Variants in ADARB2 observed in about 807,000 individuals in gnomAD.
ADARB2 encodes adenosine deaminase RNA specific B2 (inactive).
In ADARB2, 25 loss-of-function variants were observed where a neutral mutation model predicts 62.2. The observed-to-expected ratio is 0.40, with a 90% CI of 0.29 to 0.56. The LOEUF is 0.56. Ranked by LOEUF, ADARB2 falls within the 20% of genes least tolerant of loss-of-function variation. ADARB2 has a pLI of 0.43. For missense variants in ADARB2, 1,071 were observed against 1,077.4 expected, an observed-to-expected ratio of 0.99 and a Z score of 0.08; for synonymous variants, 572 against 500.8, an observed-to-expected ratio of 1.14 and a Z score of -1.90.
rs12769690 is a variant in ADARB2 at position 1,627,107 on chromosome 10, G to T, written c.100+109944C>A. Among the ~76,000 whole-genome samples, 458 of 152,152 alleles carry T rather than the reference G, an allele frequency of 3.0e-3. 2 individuals are homozygous for T. Among genetic ancestry groups the T allele is most frequent in the Non-Finnish European group, 5.0e-3 (341 of 67,996 alleles). On this transcript the variant is annotated intron_variant, in intron 1 of 9. Coordinates refer to ENST00000381312, the MANE Select transcript of ADARB2 (RefSeq NM_018702.4). ...AGGCTCACACATCAGTCACCCACTC[G>T]AACTGGAGCCGGGCCCTCGGGTGAA...
chr10:1,683,664 C>A (rs983737346), intron 1 of ADARB2, among the ~76,000 whole-genome samples: 7 of 152,082 alleles, frequency 4.6e-5, no homozygotes, highest in Non-Finnish European at 8.8e-5. Flanking sequence ...CGGGTCATGG[C>A]AAATGTTTAG....
At chr10:1,319,093 A>T (rs2131826796) in intron 3 of ADARB2, among the ~76,000 whole-genome samples, 1 of 152,348 alleles carries the variant, frequency 6.6e-6, no homozygotes, top group Admixed American at 6.5e-5. Context: ...TGTGACAGTG[A>T]CGAAAACAGA....
intron 3 of ADARB2, among the ~76,000 whole-genome samples, chr10:1,320,276 C>T (rs1158316990): frequency 6.6e-6 from 1 of 152,222 alleles, no homozygotes; most frequent in Non-Finnish European, 1.5e-5. Context: ...ACATCATTGT[C>T]TTTAACATAG....
chr10:1,220,199 T>C (rs1293134972), intron 6 of ADARB2, among the ~76,000 whole-genome samples: 1 of 144,194 alleles, frequency 6.9e-6, no homozygotes, highest in Non-Finnish European at 1.5e-5. Context: ...ATGATGATGA[T>C]GGTAATGGTG....
chr10:1,213,480 C>T (rs961292617), intron 7 of ADARB2, among the ~76,000 whole-genome samples: 3 of 152,194 alleles, frequency 2.0e-5, no homozygotes, highest in Admixed American at 2.0e-4. Flanking sequence ...TCAAGCCTTG[C>T]CTGTGCCCCC....
intron 1 of ADARB2, among the ~76,000 whole-genome samples, chr10:1,566,022 T>C (rs1832856547): frequency 6.9e-6 from 1 of 144,276 alleles, no homozygotes; most frequent in Non-Finnish European, 1.5e-5. Context: ...TCTTAATACT[T>C]TTCTCATCGT....
At chr10:1,628,366 G>C (rs895455365) in intron 1 of ADARB2, among the ~76,000 whole-genome samples, 2 of 152,238 alleles carry the variant, frequency 1.3e-5, no homozygotes, top group Non-Finnish European at 2.9e-5. Flanking sequence ...TTCAGCGCTT[G>C]CTAGGCTGTT....
intron 1 of ADARB2, among the ~76,000 whole-genome samples, chr10:1,455,837 T>C (rs1177154346): frequency 6.6e-6 from 1 of 152,150 alleles, no homozygotes; most frequent in African/African-American, 2.4e-5. Context: ...CCCCCTTCTG[T>C]CTATTTCTCA....
chr10:1,516,875 G>A (rs538555570), intron 1 of ADARB2, among the ~76,000 whole-genome samples: 2 of 152,322 alleles, frequency 1.3e-5, no homozygotes, highest in East Asian at 3.9e-4. Flanking sequence ...AGTTGGCTGG[G>A]TAGTTTATTC....
At chr10:1,487,538 G>A (rs1250888031) in intron 1 of ADARB2, among the ~76,000 whole-genome samples, 2 of 152,142 alleles carry the variant, frequency 1.3e-5, no homozygotes, top group Non-Finnish European at 2.9e-5. Flanking sequence ...CGAAGCTATA[G>A]CCTCACACTT....
At chr10:1,290,283 G>A (rs560997406) in intron 3 of ADARB2, 17 of 152,298 alleles carry the variant, frequency 1.1e-4, no homozygotes, top group East Asian at 1.9e-4. Context: ...TCCAGCTCAC[G>A]GGCACCTCCA....
chr10:1,363,882 C>T lies in ADARB2; in HGVS notation c.223G>A (p.Val75Met). The change falls in exon 3 of 10, where the codon GTG (valine) becomes ATG (methionine). Residue 75 changes from valine (V) to methionine (M), a missense_variant. Coordinates refer to ENST00000381312, the MANE Select transcript of ADARB2 (RefSeq NM_018702.4). Reference sequence around the variant, plus strand: ...GGTGGCCGCGCGGCCAGGTTGCCCACGTTGCGGTTCTCCTTCACCTCCGCG... The same window carrying T: ...GGTGGCCGCGCGGCCAGGTTGCCCATGTTGCGGTTCTCCTTCACCTCCGCG... ...SSAEVKENRN[V>M]GNLAARPPPS... The T allele has an allele frequency of 1.3e-6, 2 of 1,491,810 alleles. No individual in the cohort carries two copies. The highest frequency in any genetic ancestry group is 2.5e-5 in the East Asian group (1 of 40,296). 92.4% of individuals were successfully genotyped at this position (1,491,810 alleles called of 1,614,324 possible).
chr10:1,280,028 G>A (rs1831356352), intron 3 of ADARB2, among the ~76,000 whole-genome samples: 3 of 152,292 alleles, frequency 2.0e-5, no homozygotes, highest in South Asian at 4.1e-4. Flanking sequence ...GTGAATTTGG[G>A]GGAGGTCAGG....
chr10:1,729,822 C>T (rs1446318136), intron 1 of ADARB2, among the ~76,000 whole-genome samples: 1 of 152,042 alleles, frequency 6.6e-6, no homozygotes, highest in Non-Finnish European at 1.5e-5. Context: ...AACTGAGCTC[C>T]CCATCCTATT....
rs572562296 is a variant in ADARB2, at chr10:1,444,942, T to C, written c.101-65782A>G. On this transcript the variant is annotated intron_variant, in intron 1 of 9. Transcript: ENST00000381312. Reference sequence around the variant, plus strand: ...CATTCTCCTTCCATCTATCAATCCATCCACCCACCCATCCATTCATCCACC... The same window carrying C: ...CATTCTCCTTCCATCTATCAATCCACCCACCCACCCATCCATTCATCCACC... 2.7e-3 allele frequency among the ~76,000 whole-genome samples: 389 copies of C among 145,148 alleles called. 2 individuals carry two copies. Among genetic ancestry groups the C allele is most frequent in the African/African-American group, 9.2e-3 (358 of 38,802 alleles).
At chr10:1,199,218 C>CCCG (rs1836950885) in intron 8 of ADARB2, among the ~76,000 whole-genome samples, 1 of 152,036 alleles carries the variant, frequency 6.6e-6, no homozygotes, top group Non-Finnish European at 1.5e-5. Flanking sequence ...AAACCCACCC[C>CCCG]CCCGCTTCCC....
At chr10:1,666,734 C>T (rs1834321608) in intron 1 of ADARB2, among the ~76,000 whole-genome samples, 1 of 152,222 alleles carries the variant, frequency 6.6e-6, no homozygotes, top group South Asian at 2.1e-4. Context: ...AACCCACACG[C>T]AGCTCATCCA....
At chr10:1,221,434 TAC>T (rs1200706868) in intron 6 of ADARB2, among the ~76,000 whole-genome samples, 1 of 151,922 alleles carries the variant, frequency 6.6e-6, no homozygotes, top group African/African-American at 2.4e-5. Context: ...ATTATTATTA[TAC>T]TTTAAGTTTT....
intron 1 of ADARB2, among the ~76,000 whole-genome samples, chr10:1,507,447 T>C (rs981420985): frequency 6.6e-6 from 1 of 152,240 alleles, no homozygotes; most frequent in African/African-American, 2.4e-5. Context: ...CCCCAGCTTC[T>C]GCTCACACTG....
Sources: gnomAD v4.1 joint callset for allele counts (sites outside exome capture counted in the v4.1 genomes callset) on GRCh38, gnomAD v4.1.1 for gene constraint, MANE v1.5 for transcripts, NCBI Gene and HGNC (gene_info 2026-07-23, HGNC 2026-07-21) for gene names.